The following CSMD2 variants were observed in gnomAD, a reference collection of about 807,000 sequenced individuals.
CSMD2 encodes CUB and sushi domain-containing protein 2.
CSMD2 carries 130 observed loss-of-function variants against 398.5 expected under a neutral mutation model. That is an observed-to-expected ratio of 0.33 (90% CI 0.28 to 0.38). CSMD2 has a LOEUF of 0.38. CSMD2 is among the 10% of genes least tolerant of loss of function. The pLI is 1.00. For synonymous variants in CSMD2, 1,828 were observed against 1,908.5 expected (o/e 0.96, Z 1.10); for missense variants, 3,829 against 4,764.9 (o/e 0.80, Z 5.78).
intron 7 of CSMD2, among the ~76,000 whole-genome samples, chr1:33,823,228 C>G (rs866836801): frequency 6.6e-5 from 10 of 152,294 alleles, no homozygotes; most frequent in Middle Eastern, 6.8e-3. Context: ...ACAAACCCAA[C>G]GGTGACGCGG....
chr1:33,589,575 TAA>T (rs1491199783), intron 44 of CSMD2, among the ~76,000 whole-genome samples: 2 of 152,238 alleles, frequency 1.3e-5, no homozygotes, highest in African/African-American at 2.4e-5. Context: ...AACTGTCTAT[TAA>T]AAGAGTTGTG....
At chr1:34,151,888 G>A (rs1640360448) in intron 1 of CSMD2, among the ~76,000 whole-genome samples, 1 of 138,802 alleles carries the variant, frequency 7.2e-6, no homozygotes, top group African/African-American at 2.7e-5. Context: ...TGTCACCCAG[G>A]CTGGAGTGTA....
intron 3 of CSMD2, among the ~76,000 whole-genome samples, chr1:33,940,916 A>T (rs1440139438): frequency 2.0e-5 from 3 of 152,166 alleles, no homozygotes. Context: ...CTAATGTGCA[A>T]CCTGCTGGAC....
At chr1:33,869,819 C>T (rs987973284) in intron 5 of CSMD2, among the ~76,000 whole-genome samples, 1 of 152,182 alleles carries the variant, frequency 6.6e-6, no homozygotes, top group African/African-American at 2.4e-5. Context: ...GCCCTAGCTG[C>T]AGAGCATATT....
intron 3 of CSMD2, among the ~76,000 whole-genome samples, chr1:34,024,670 A>C (rs1649390855): frequency 6.6e-6 from 1 of 152,192 alleles, no homozygotes; most frequent in Non-Finnish European, 1.5e-5. Context: ...GGAAGCACAC[A>C]CCATCCCTCC....
At chr1:34,030,197 T>G (rs1558272016) in intron 3 of CSMD2, among the ~76,000 whole-genome samples, 1 of 152,274 alleles carries the variant, frequency 6.6e-6, no homozygotes, top group African/African-American at 2.4e-5. Context: ...TTTTAAATTC[T>G]ATTCAATTTT....
In CSMD2 at chr1:33,559,014, C is replaced by A. The variant is rs1293460275; in HGVS notation, c.8554+286G>T. The stretch of plus-strand genomic sequence containing the variant: ...AAACCTCTGTTAAAAAATAACGGGG[C>A]TTTATAAGATAATGATACATTATTT... On this transcript the variant is annotated intron_variant, in intron 54 of 70. Transcript: ENST00000373381. The surrounding 1 kb of genome is among the most constrained non-coding windows in gnomAD (Gnocchi z 4.0). Among the ~76,000 whole-genome samples the A allele has an allele frequency of 6.6e-6, 1 of 152,038 alleles. No homozygotes were observed. The highest frequency in any genetic ancestry group is 1.5e-5 in the Non-Finnish European group (1 of 68,006).
intron 5 of CSMD2, chr1:33,878,181 C>T (rs957531956): frequency 6.6e-6 from 1 of 152,242 alleles, no homozygotes; most frequent in Non-Finnish European, 1.5e-5. Context: ...CAGGAGCCAT[C>T]CCGTGAGGCC....
chr1:33,676,496 G>C (rs1280360342), intron 25 of CSMD2, among the ~76,000 whole-genome samples: 2 of 152,186 alleles, frequency 1.3e-5, no homozygotes, highest in African/African-American at 4.8e-5. Flanking sequence ...CATGCTCATG[G>C]GTAGGAAGAA....
intron 13 of CSMD2, among the ~76,000 whole-genome samples, chr1:33,744,102 C>T (rs1349446611): frequency 6.6e-6 from 1 of 152,198 alleles, no homozygotes; most frequent in Non-Finnish European, 1.5e-5. Context: ...ATGTGAAACA[C>T]TGCGTCTTCG....
intron 3 of CSMD2, among the ~76,000 whole-genome samples, chr1:34,019,800 T>A (rs920556748): frequency 6.6e-6 from 1 of 152,140 alleles, no homozygotes; most frequent in African/African-American, 2.4e-5. Flanking sequence ...CTATTCCCTG[T>A]CCCTCAAGCC....
chr1:33,998,464 G>C (rs1300193681), intron 3 of CSMD2, among the ~76,000 whole-genome samples: 1 of 152,240 alleles, frequency 6.6e-6, no homozygotes, highest in Non-Finnish European at 1.5e-5. Context: ...AGTAGGACCA[G>C]TTGTGGCTAT....
Position 33,622,148 on chromosome 1 carries a change from C to T in CSMD2, c.5827+19G>A. 1 of 1,589,344 alleles carries T rather than the reference C, an allele frequency of 6.3e-7. No individual in the cohort carries two copies. Among genetic ancestry groups the T allele is most frequent in the Non-Finnish European group, 8.6e-7 (1 of 1,157,516 alleles). On this transcript the variant is annotated intron_variant, in intron 37 of 70. Transcript: ENST00000373381. ...GTCCCACCCTGAACCCTGTACCAGC[C>T]AAGACCCTGGATTCTCACTTTTGTA...
chr1:33,798,667 T>C (rs1360605990), intron 10 of CSMD2, among the ~76,000 whole-genome samples: 1 of 152,054 alleles, frequency 6.6e-6, no homozygotes, highest in African/African-American at 2.4e-5. Flanking sequence ...AAGCTATAAT[T>C]CAGTGTGAAG....
At chr1:33,949,142 C>G (rs1025893204) in intron 3 of CSMD2, among the ~76,000 whole-genome samples, 4 of 152,184 alleles carry the variant, frequency 2.6e-5, no homozygotes, top group Non-Finnish European at 5.9e-5. Context: ...GGGTAATAAT[C>G]GCACCCAGCT....
intron 1 of CSMD2, among the ~76,000 whole-genome samples, chr1:34,117,404 T>G (rs1232841564): frequency 6.6e-6 from 1 of 151,812 alleles, no homozygotes; most frequent in Non-Finnish European, 1.5e-5. Flanking sequence ...CAAGACTGAA[T>G]CATGAAGAAA....
intron 3 of CSMD2, among the ~76,000 whole-genome samples, chr1:34,023,767 G>A (rs1440346376): frequency 1.3e-5 from 2 of 152,114 alleles, no homozygotes; most frequent in Non-Finnish European, 2.9e-5. Flanking sequence ...TTGAAATGGA[G>A]AGAAAATTAC....
rs146716199 is a variant in CSMD2 at position 33,565,931 on chromosome 1, C to T, written c.8380+1662G>A. Among the ~76,000 whole-genome samples, 492 of 151,572 alleles carry T rather than the reference C, an allele frequency of 3.2e-3. 1 individual carries two copies. The highest frequency in any genetic ancestry group is 0.011 in the African/African-American group (466 of 41,334). ...AATGAAGACTAAATTATAAGAGGCC[C>T]AAGAAAGAATATTCTCAAATGATAA... is the stretch of plus-strand genomic sequence containing the variant. On this transcript the variant is annotated intron_variant, in intron 53 of 70. Coordinates refer to ENST00000373381, the MANE Select transcript of CSMD2 (RefSeq NM_001281956.2).
rs1236904290 is a variant in CSMD2 at position 33,590,681 on chromosome 1, A to G, written c.6857-3513T>C. 4.6e-5 allele frequency among the ~76,000 whole-genome samples: 7 copies of G among 151,388 alleles called. No individual in the cohort carries two copies. The East Asian group carries it at 1.2e-3, about 25-fold the overall frequency. On this transcript the variant is annotated intron_variant, in intron 44 of 70. Transcript: ENST00000373381. ...GGTATCCCACTGTATCCACCATGTT[A>G]TTGCTACAGAACTCTAGGGCAGGGG... is the stretch of plus-strand genomic sequence containing the variant.
Sources: allele counts gnomAD v4.1 joint callset (sites outside exome capture counted in the v4.1 genomes callset), GRCh38; gene constraint gnomAD v4.1.1; non-coding constraint Gnocchi (gnomAD v3.1); transcripts MANE v1.5; gene names NCBI Gene and HGNC (gene_info 2026-07-23, HGNC 2026-07-21).